PDCD2: variants seen among roughly 807,000 people sequenced by gnomAD.
PDCD2 encodes programmed cell death 2, also known as uS5 assembly chaperone PDCD2.
PDCD2 carries 38 observed loss-of-function variants against 38.1 expected under a neutral mutation model. The ratio of observed to expected loss-of-function variants is 1.00; its 90% CI spans 0.77 to 1.31. The LOEUF is 1.31. Among genes scored for constraint, PDCD2 ranks in the 50% most tolerant of loss-of-function variants. PDCD2 has a pLI of 0.00. For synonymous variants in PDCD2, 205 were observed against 168.9 expected, an observed-to-expected ratio of 1.21 and a Z score of -1.66; for missense variants, 473 against 435.7, an observed-to-expected ratio of 1.09 and a Z score of -0.76.
At chr6:170,582,392 T>C (rs1779637013) in intron 3 of PDCD2, 4 of 1,512,048 alleles carry the variant, frequency 2.6e-6, no homozygotes, top group Admixed American at 2.0e-5. Flanking sequence ...AATTTTGTGG[T>C]GGTTTTGTGT....
Position 170,578,944 on chromosome 6 carries a change from G to C in PDCD2, c.789C>G (p.Ala263=). The change falls in exon 5 of 6, where the codon GCC becomes GCG. Residue 263 remains alanine, a synonymous_variant. Transcript: ENST00000541970. ...EQILRYGRGI[A]PIWISGENIP... ...TATTTTCACCAGAAATCCAGATGGGGGCAATACCTCTGCCATATCTAAGAA... is the reference window on the plus strand; with the variant it reads ...TATTTTCACCAGAAATCCAGATGGGCGCAATACCTCTGCCATATCTAAGAA... 1 of 1,599,738 alleles carries C rather than the reference G, an allele frequency of 6.3e-7. No individual in the cohort carries two copies. Among genetic ancestry groups the C allele is most frequent in the Non-Finnish European group, 8.5e-7 (1 of 1,173,664 alleles).
At position 170,577,562 on chromosome 6, in the gene PDCD2, C is replaced by T. The variant is rs377450946; in HGVS notation, c.1032G>A (p.Pro344=). ...FVWKQDVTDT[P] is the part of the protein sequence containing the mutation. ...TTTTCAAGGCTTTAAGATGCCTTTA[C>T]GGTGTATCTGTTACATCCTGCTTCC... Residue 344 remains proline (P), a synonymous_variant, in exon 6 of 6, where the codon CCG becomes CCA. Coordinates refer to ENST00000541970, the MANE Select transcript of PDCD2 (RefSeq NM_002598.4). The T allele has an allele frequency of 3.2e-5, 51 of 1,613,150 alleles. No homozygotes were observed. Among genetic ancestry groups the T allele is most frequent in the East Asian group, 1.6e-4 (7 of 44,882 alleles).
chr6:170,582,418 A>T, intron 3 of PDCD2: 1 of 1,457,476 alleles, frequency 6.9e-7, no homozygotes, highest in Non-Finnish European at 9.0e-7. Context: ...TCAAGGCTCA[A>T]ATTGTAAAAT....
Position 170,577,543 on chromosome 6 carries a change from A to C in PDCD2, c.*16T>G, listed in dbSNP as rs1345457320. The C allele has an allele frequency of 6.2e-7, 1 of 1,604,434 alleles. No individual in the cohort carries two copies. The highest frequency in any genetic ancestry group is 8.5e-7 in the Non-Finnish European group (1 of 1,172,702). The stretch of plus-strand genomic sequence containing the variant: ...TATAAAAGATTATTAACATTTTTCA[A>C]GGCTTTAAGATGCCTTTACGGTGTA... On this transcript the variant is annotated 3_prime_UTR_variant, in exon 6 of 6. Coordinates refer to ENST00000541970, the MANE Select transcript of PDCD2 (RefSeq NM_002598.4).
At position 170,583,061 on chromosome 6, in the gene PDCD2, G is replaced by C. The variant is rs192662962; in HGVS notation, c.654C>G (p.Ser218Arg). Residue 218 changes from serine (S) to arginine (R), a missense_variant, in exon 3 of 6, where the codon AGC becomes AGG. Coordinates refer to ENST00000541970, the MANE Select transcript of PDCD2 (RefSeq NM_002598.4). ...EKEDYSEIIG[S>R]MGEALEEELD... ...TGAAGTCCTGAAACTGCTTACCCAT[G>C]CTCCCTATAATCTCTGAGTAATCTT... 3.1e-6 allele frequency: 5 copies of C among 1,611,314 alleles called. No individual in the cohort carries two copies. The highest frequency in any genetic ancestry group is 4.2e-6 in the Non-Finnish European group (5 of 1,178,684).
intron 3 of PDCD2, chr6:170,581,961 T>C (rs1779617441): frequency 3.4e-6 from 2 of 588,206 alleles, no homozygotes; most frequent in African/African-American, 3.8e-5. Context: ...ACTCATACAG[T>C]TCCACAGTCA....
intron 3 of PDCD2, chr6:170,582,445 A>G: frequency 1.4e-6 from 2 of 1,431,492 alleles, no homozygotes; most frequent in Non-Finnish European, 1.8e-6. Context: ...TTATGTGACC[A>G]AAGAAAGTTA....
chr6:170,582,892 CA>C, intron 3 of PDCD2, 164 bp downstream of exon 3: 1 of 1,435,986 alleles, frequency 7.0e-7, no homozygotes, highest in Non-Finnish European at 9.1e-7. Context: ...TGTCAGAAAA[CA>C]AAGTCCAGGA....
In PDCD2 at chr6:170,578,909, T is replaced by C. The variant is rs140573137; in HGVS notation, c.824A>G (p.Glu275Gly). 367 of 1,608,230 alleles carry C rather than the reference T, an allele frequency of 2.3e-4. 1 individual carries two copies. Among genetic ancestry groups the C allele is most frequent in the African/African-American group, 9.0e-4 (67 of 74,684 alleles). Residue 275 changes from glutamate (E) to glycine (G), a missense_variant, in exon 5 of 6, where the codon GAA becomes GGA. By Grantham distance (98) the Glu-to-Gly change is moderately conservative (BLOSUM62 -2). Transcript: ENST00000541970. ...ACAGGGGCAATCTGGAATATCCTTT[T>C]CTTGAGGAATATTTTCACCAGAAAT... ...IWISGENIPQ[E>G]KDIPDCPCGA...
At position 170,583,537 on chromosome 6, in the gene PDCD2, C is replaced by T. The variant is rs780538358; in HGVS notation, c.494G>A (p.Arg165Lys). Reference sequence around the variant, plus strand: ...TGCACAAGCCTGCTTATGTCCCAATCTCCAGTCTAGGGTCTGATGCTCCTT... The same window carrying T: ...TGCACAAGCCTGCTTATGTCCCAATTTCCAGTCTAGGGTCTGATGCTCCTT... Reference protein sequence around the residue: ...CSKEHQTLDWRLGHKQACAQP... With the variant: ...CSKEHQTLDWKLGHKQACAQP... The change falls in exon 2 of 6, where the codon AGA (arginine) becomes AAA (lysine). Residue 165 changes from arginine to lysine, a missense_variant. Physicochemically the swap from Arg to Lys is conservative, Grantham distance 26 (BLOSUM62 2). Transcript: ENST00000541970. 1.2e-6 allele frequency: 2 copies of T among 1,613,218 alleles called. No homozygotes were observed. The highest frequency in any genetic ancestry group is 1.1e-5 in the South Asian group (1 of 91,044).
chr6:170,577,072 T>C lies in PDCD2; in HGVS notation c.*487A>G, dbSNP rs1208600733. 6.5e-6 allele frequency: 1 copy of C among 152,952 alleles called. No homozygotes were observed. The highest frequency in any genetic ancestry group is 2.4e-5 in the African/African-American group (1 of 41,472). 9.5% of individuals were successfully genotyped at this position (152,952 alleles called of 1,614,324 possible). On this transcript the variant is annotated 3_prime_UTR_variant, in exon 6 of 6. Transcript: ENST00000541970. ...TTTGTTGGGAGTTTTACCTAAGTATTTTTGTGTTTTAAAAACCTAGGGTGG... is the reference window on the plus strand; with the variant it reads ...TTTGTTGGGAGTTTTACCTAAGTATCTTTGTGTTTTAAAAACCTAGGGTGG...
chr6:170,584,164 T>A, intron 1 of PDCD2, 135 bp downstream of exon 1: 1 of 1,000,926 alleles, frequency 1.0e-6, no homozygotes, highest in Middle Eastern at 3.6e-4. Flanking sequence ...AAGGTGCTCC[T>A]GGGGCAGCGC....
chr6:170,575,491 C>A lies in PDCD2; in HGVS notation c.*2068G>T, dbSNP rs1224017592. 1 of 152,176 alleles carries A rather than the reference C, an allele frequency of 6.6e-6. No individual in the cohort carries two copies. Among genetic ancestry groups the A allele is most frequent in the Non-Finnish European group, 1.5e-5 (1 of 68,030 alleles). The allele number at this position is 152,176 out of a possible 1,614,324, so 9.4% of individuals were successfully genotyped here. ...TGTTGAGAAATGGTGGATGCATGGA[C>A]TGGCACCGTCTGTGGAGCCATGATT... On this transcript the variant is annotated 3_prime_UTR_variant, in exon 6 of 6. Transcript: ENST00000541970.
intron 1 of PDCD2, 100 bp from the exon 2 acceptor site, chr6:170,583,847 G>C: frequency 1.0e-6 from 1 of 952,482 alleles, no homozygotes; most frequent in Non-Finnish European, 1.5e-6. Context: ...CAACAAAAAA[G>C]AAATGAAAGT....
At chr6:170,580,223 C>G (rs1583140529) in intron 3 of PDCD2, 118 bp from the exon 4 acceptor site, 2 of 626,976 alleles carry the variant, frequency 3.2e-6, no homozygotes, top group Non-Finnish European at 2.8e-6. Flanking sequence ...TTCACTCATT[C>G]AAGTTGGACC....
intron 1 of PDCD2, 37 bp from the exon 2 acceptor site, chr6:170,583,784 C>G: frequency 6.7e-7 from 1 of 1,486,530 alleles, no homozygotes. Context: ...TATCTTCAAA[C>G]AAAACAGCAA....
chr6:170,582,101 C>G (rs771234300), intron 3 of PDCD2: 1 of 1,528,726 alleles, frequency 6.5e-7, no homozygotes, highest in African/African-American at 1.4e-5. Flanking sequence ...TGAACACACG[C>G]GCGGCCCCTT....
intron 2 of PDCD2, 72 bp downstream of exon 2, chr6:170,583,433 A>C (rs887640461): frequency 1.3e-6 from 2 of 1,513,652 alleles, no homozygotes; most frequent in Admixed American, 4.2e-5. Context: ...TTACCTTTAA[A>C]GTTGTCCTGG....
Position 170,576,709 on chromosome 6 carries a change from G to T in PDCD2, c.*850C>A, listed in dbSNP as rs1000250781. On this transcript the variant is annotated 3_prime_UTR_variant, in exon 6 of 6. Coordinates refer to ENST00000541970, the MANE Select transcript of PDCD2 (RefSeq NM_002598.4). ...GCCTCCTAGGCCAGACCCTTATTTT[G>T]GCTTACATTCCATAACCCTTGTATG... The T allele has an allele frequency of 6.6e-6, 1 of 152,184 alleles. No homozygotes were observed. Among genetic ancestry groups the T allele is most frequent in the Non-Finnish European group, 1.5e-5 (1 of 68,056 alleles). The allele number at this position is 152,184 out of a possible 1,614,324, so 9.4% of individuals were successfully genotyped here. A position where few individuals can be genotyped will look rare whatever the true frequency, so the allele number is the denominator to read the frequency against.
Sources: gnomAD v4.1 joint callset for allele counts on GRCh38, gnomAD v4.1.1 for gene constraint, MANE v1.5 for transcripts, NCBI Gene and HGNC (gene_info 2026-07-23, HGNC 2026-07-21) for gene names.